The following ARHGAP24 variants were observed in gnomAD, a reference collection of about 807,000 sequenced individuals.
The protein encoded by ARHGAP24 is Rho GTPase activating protein 24, also known as rho GTPase-activating protein 24.
In ARHGAP24, 50 loss-of-function variants were observed where a neutral mutation model predicts 76.4. The ratio of observed to expected loss-of-function variants is 0.65; its 90% CI spans 0.52 to 0.83. The LOEUF (loss-of-function observed/expected upper bound fraction) is 0.83, where lower values mean the gene tolerates loss of function less well. Ranked by LOEUF, ARHGAP24 falls within the 40% of genes least tolerant of loss-of-function variation. ARHGAP24 has a pLI of 0.00. For missense variants in ARHGAP24, 930 were observed against 914.2 expected (o/e 1.02, Z -0.22); for synonymous variants, 345 against 323.3 (o/e 1.07, Z -0.72).
chr4:85,798,063 T>C (rs1236302301), intron 3 of ARHGAP24, among the ~76,000 whole-genome samples: 1 of 15,900 alleles, frequency 6.3e-5, no homozygotes, highest in East Asian at 0.056. Context: ...TTGAGTTTAC[T>C]ACTAAAAAAG....
intron 3 of ARHGAP24, among the ~76,000 whole-genome samples, chr4:85,734,636 A>ATTTTTT (rs34647342): frequency 0.021 from 2,138 of 101,884 alleles, 138 homozygotes; most frequent in Middle Eastern, 0.031. Context: ...AATTCAGGGA[A>ATTTTTT]TTTTTTTTTT....
intron 3 of ARHGAP24, among the ~76,000 whole-genome samples, chr4:85,747,708 A>AAAC (rs1553927024): frequency 5.3e-5 from 8 of 150,748 alleles, no homozygotes; most frequent in African/African-American, 2.0e-4. Context: ...GTCTAAAACA[A>AAAC]AAACAAACAA....
At chr4:85,818,567 G>A (rs1269724369) in intron 3 of ARHGAP24, among the ~76,000 whole-genome samples, 2 of 152,138 alleles carry the variant, frequency 1.3e-5, no homozygotes, top group Non-Finnish European at 2.9e-5. Context: ...GGAAAGAAAT[G>A]TTCACTACCA....
rs534245651 is a variant in ARHGAP24, at chr4:85,858,189, G to A, written c.269-65459G>A. On this transcript the variant is annotated intron_variant, in intron 3 of 9. Transcript: ENST00000395184. The stretch of plus-strand genomic sequence containing the variant: ...TTATTTAATACCAGTTGCATTTGAA[G>A]CACTCCACTAAGCTTAGAGGTGTGA... Among the ~76,000 whole-genome samples, 7 of 152,226 alleles carry A rather than the reference G, an allele frequency of 4.6e-5. No individual in the cohort carries two copies. The East Asian group carries it at 1.2e-3, about 25-fold the overall frequency.
intron 9 of ARHGAP24, among the ~76,000 whole-genome samples, chr4:85,999,578 A>C (rs1429567233): frequency 6.6e-6 from 1 of 152,202 alleles, no homozygotes; most frequent in African/African-American, 2.4e-5. Flanking sequence ...AATGAGTCCC[A>C]TGGGACTTTT....
At chr4:85,812,960 A>G (rs1183469725) in intron 3 of ARHGAP24, among the ~76,000 whole-genome samples, 1 of 151,766 alleles carries the variant, frequency 6.6e-6, no homozygotes, top group African/African-American at 2.4e-5. Flanking sequence ...TACCTAGGAG[A>G]CTCTTCTAAC....
At chr4:85,564,842 C>T (rs1261610519) in intron 1 of ARHGAP24, among the ~76,000 whole-genome samples, 13 of 146,550 alleles carry the variant, frequency 8.9e-5, no homozygotes, top group Admixed American at 8.8e-4. Flanking sequence ...TGCTGTGTGG[C>T]CCCGTTCCTA....
At chr4:85,586,119 CT>C (rs887288248) in intron 2 of ARHGAP24, among the ~76,000 whole-genome samples, 124 of 152,254 alleles carry the variant, frequency 8.1e-4, no homozygotes, top group Non-Finnish European at 2.8e-4. Context: ...ATCGCTCTTT[CT>C]TTTTTTCCCC....
intron 3 of ARHGAP24, among the ~76,000 whole-genome samples, chr4:85,724,958 A>G (rs1032304758): frequency 6.6e-6 from 1 of 152,192 alleles, no homozygotes; most frequent in Non-Finnish European, 1.5e-5. Flanking sequence ...AGCTTTTGGG[A>G]AATGTGGTTG....
intron 2 of ARHGAP24, among the ~76,000 whole-genome samples, chr4:85,624,374 A>G (rs1221179754): frequency 6.6e-6 from 1 of 152,060 alleles, no homozygotes; most frequent in Non-Finnish European, 1.5e-5. Context: ...TTCTGTTTAT[A>G]TGCTGGATTA....
chr4:85,586,847 G>T (rs1417203126), intron 2 of ARHGAP24, among the ~76,000 whole-genome samples: 1 of 152,052 alleles, frequency 6.6e-6, no homozygotes, highest in South Asian at 2.1e-4. Context: ...GCGGTGAACC[G>T]ACATTGCTCC....
chr4:85,743,392 CAAAAAAAAAAAAAAAAAAAAAAAAAAAA>C (rs774717006), intron 3 of ARHGAP24, among the ~76,000 whole-genome samples: 3 of 43,346 alleles, frequency 6.9e-5, no homozygotes, highest in African/African-American at 2.6e-4. Flanking sequence ...GATCCCATCT[CAAAAAAAAAAAAAAAAAAAAAAAAAAAA>C]AAAAAAAAAA....
intron 3 of ARHGAP24, among the ~76,000 whole-genome samples, chr4:85,882,987 G>A (rs1287174780): frequency 1.3e-5 from 2 of 152,166 alleles, no homozygotes; most frequent in African/African-American, 2.4e-5. Flanking sequence ...TGGACTGACC[G>A]AGACTGTGGA....
At chr4:85,855,044 C>T (rs746134601) in intron 3 of ARHGAP24, among the ~76,000 whole-genome samples, 10 of 152,158 alleles carry the variant, frequency 6.6e-5, no homozygotes, top group Non-Finnish European at 1.2e-4. Context: ...TGCAATTTCA[C>T]GCTACCATCA....
chr4:85,533,660 CT>C (rs1172386082), intron 1 of ARHGAP24, among the ~76,000 whole-genome samples: 1 of 152,032 alleles, frequency 6.6e-6, no homozygotes, highest in African/African-American at 2.4e-5. Flanking sequence ...TTTATATAAT[CT>C]GAAATATATC....
intron 1 of ARHGAP24, among the ~76,000 whole-genome samples, chr4:85,524,342 C>A (rs1244399559): frequency 1.3e-5 from 2 of 152,094 alleles, no homozygotes; most frequent in African/African-American, 4.8e-5. Context: ...ATTCCTTCTA[C>A]TATTGGTCTA....
At chr4:85,946,248 C>T (rs1737259565) in intron 5 of ARHGAP24, among the ~76,000 whole-genome samples, 1 of 152,066 alleles carries the variant, frequency 6.6e-6, no homozygotes. Flanking sequence ...ACAGCCAAAC[C>T]ATATCATATT....
At chr4:85,726,337 A>G (rs1725164265) in intron 3 of ARHGAP24, among the ~76,000 whole-genome samples, 1 of 152,174 alleles carries the variant, frequency 6.6e-6, no homozygotes, top group African/African-American at 2.4e-5. Context: ...AAACACGCTG[A>G]TGGAGAATGA....
At chr4:85,914,461 C>T (rs1180790796) in intron 3 of ARHGAP24, among the ~76,000 whole-genome samples, 1 of 152,062 alleles carries the variant, frequency 6.6e-6, no homozygotes, top group African/African-American at 2.4e-5. Context: ...CGGGTGCTGC[C>T]GAGGTTATTT....
Sources: gnomAD v4.1 joint callset for allele counts (sites outside exome capture counted in the v4.1 genomes callset) on GRCh38, gnomAD v4.1.1 for gene constraint, MANE v1.5 for transcripts, NCBI Gene and HGNC (gene_info 2026-07-23, HGNC 2026-07-21) for gene names.